The following GPAT4 variants were observed in gnomAD, a reference collection of about 807,000 sequenced individuals.
GPAT4 encodes glycerol-3-phosphate acyltransferase 4, also known as 1-AGP acyltransferase 6.
In GPAT4, 17 loss-of-function variants were observed where a neutral mutation model predicts 58.0. That is an observed-to-expected ratio of 0.29 (90% CI 0.20 to 0.44). The LOEUF (loss-of-function observed/expected upper bound fraction) is 0.44. GPAT4 is among the 20% of genes least tolerant of loss of function. The pLI, the probability that GPAT4 is intolerant of heterozygous loss-of-function variation, is 1.00. For missense variants in GPAT4, 377 were observed against 574.5 expected, an observed-to-expected ratio of 0.66 and a Z score of 3.51; for synonymous variants, 204 against 210.1, an observed-to-expected ratio of 0.97 and a Z score of 0.25.
chr8:41,605,546 TTTTGTTTGTTTGTTTGTTTGTTTG>T (rs145318528), intron 2 of GPAT4, among the ~76,000 whole-genome samples: 12,856 of 150,932 alleles, frequency 0.085, 607 homozygotes, highest in Middle Eastern at 0.17. Flanking sequence ...GAAGGTTGTG[TTTTGTTTGTTTGTTTGTTTGTTTG>T]TTTGTTTGTT....
At chr8:41,594,508 A>G (rs956413696) in intron 1 of GPAT4, among the ~76,000 whole-genome samples, 5 of 149,426 alleles carry the variant, frequency 3.3e-5, no homozygotes, top group Admixed American at 2.0e-4. Flanking sequence ...TTCGCAGACA[A>G]TTCTTCGATA....
chr8:41,599,742 AT>A (rs1221250066), intron 2 of GPAT4, among the ~76,000 whole-genome samples: 1 of 152,216 alleles, frequency 6.6e-6, no homozygotes, highest in African/African-American at 2.4e-5. Context: ...GGGCATTTGA[AT>A]TGTTTTATTA....
chr8:41,621,511 G>A lies in GPAT4; in HGVS notation c.*510G>A, dbSNP rs551066194. ...CTGCAGACATGATAGGAAGGAAACT[G>A]TCATCTGCAGGGGCTTTCAGCAAAA... is the stretch of plus-strand genomic sequence containing the variant. On this transcript the variant is annotated 3_prime_UTR_variant, in exon 13 of 13. Coordinates refer to ENST00000396987, the MANE Select transcript of GPAT4 (RefSeq NM_178819.4). 1 of 154,264 alleles carries A rather than the reference G, an allele frequency of 6.5e-6. No individual in the cohort carries two copies. The highest frequency in any genetic ancestry group is 2.4e-5 in the African/African-American group (1 of 41,622). The allele number at this position is 154,264 out of a possible 1,614,324, so 9.6% of individuals were successfully genotyped here. A position where few individuals can be genotyped will look rare whatever the true frequency, so the allele number is the denominator to read the frequency against.
At chr8:41,592,596 T>C (rs1450243479) in intron 1 of GPAT4, among the ~76,000 whole-genome samples, 1 of 152,196 alleles carries the variant, frequency 6.6e-6, no homozygotes, top group Admixed American at 6.5e-5. Flanking sequence ...TCATGGCCAT[T>C]GATCTCCCAT....
chr8:41,618,503 A>G (rs1014811125), intron 10 of GPAT4, 181 bp from the exon 11 acceptor site: 1 of 735,370 alleles, frequency 1.4e-6, no homozygotes, highest in South Asian at 1.7e-5. Context: ...GGGGGAGATC[A>G]GTGTTGCTCA....
Position 41,609,388 on chromosome 8 carries a change from C to G in GPAT4, c.166-28C>G, listed in dbSNP as rs750350831. On this transcript the variant is annotated intron_variant, in intron 2 of 12. Transcript: ENST00000396987. ...ATTGAAAACAGGTCTCATTCTTGCTCTTGTATCTTGCTTCCTTCCCCTCCC... is the reference window on the plus strand; with the variant it reads ...ATTGAAAACAGGTCTCATTCTTGCTGTTGTATCTTGCTTCCTTCCCCTCCC... The G allele has an allele frequency of 3.1e-6, 5 of 1,608,536 alleles. No homozygotes were observed. The Admixed American group carries it at 5.0e-5, about 16-fold the overall frequency.
At chr8:41,603,387 G>A (rs191487385) in intron 2 of GPAT4, among the ~76,000 whole-genome samples, 351 of 152,106 alleles carry the variant, frequency 2.3e-3, no homozygotes, top group African/African-American at 8.2e-3. Context: ...TTAGCCGGGC[G>A]TAGTGACGCA....
In GPAT4 at chr8:41,621,283, A is replaced by C; in HGVS notation, c.*282A>C. 2.3e-6 allele frequency: 1 copy of C among 438,274 alleles called. No homozygotes were observed. The allele number at this position is 438,274 out of a possible 1,614,324, so 27.1% of individuals were successfully genotyped here. ...CGTTGGAGGAATGCCATTAAAGTGA[A>C]CTCCCCACCTTTGCACGCTGTGCGG... On this transcript the variant is annotated 3_prime_UTR_variant, in exon 13 of 13. Transcript: ENST00000396987.
chr8:41,608,829 TTC>T (rs1803356370), intron 2 of GPAT4, among the ~76,000 whole-genome samples: 1 of 152,174 alleles, frequency 6.6e-6, no homozygotes, highest in Non-Finnish European at 1.5e-5. Context: ...GTTTTTTTTT[TTC>T]GGTCTCCTAA....
intron 10 of GPAT4, 25 bp downstream of exon 10, chr8:41,615,073 C>G: frequency 1.9e-6 from 3 of 1,580,410 alleles, no homozygotes; most frequent in Non-Finnish European, 1.7e-6. Context: ...ATGGTACACA[C>G]TGTCATTACT....
Position 41,618,918 on chromosome 8 carries a change from G to GT in GPAT4, c.1206dup (p.Ala403CysfsTer3), listed in dbSNP as rs771905819. On this transcript the variant is annotated frameshift_variant, in exon 12 of 13. Coordinates refer to ENST00000396987, the MANE Select transcript of GPAT4 (RefSeq NM_178819.4). LOFTEE classifies it high-confidence loss of function. ...TACAGGCAGATGAAGATGCTGTCCAGTTTGCGAATAGGGTGAAATCTGCCA... is the reference window on the plus strand; with the variant it reads ...TACAGGCAGATGAAGATGCTGTCCAGTTTTGCGAATAGGGTGAAATCTGCCA... 1 of 1,614,232 alleles carries GT rather than the reference G, an allele frequency of 6.2e-7. No individual in the cohort carries two copies. Among genetic ancestry groups the GT allele is most frequent in the East Asian group, 2.2e-5 (1 of 44,888 alleles).
rs1472393130 is a variant in GPAT4, at chr8:41,610,292, A to C, written c.536+337A>C. 2.4e-5 allele frequency: 29 copies of C among 1,230,488 alleles called. No individual in the cohort carries two copies. In the South Asian group the frequency reaches 5.4e-4, roughly 23 times the overall value. The allele number at this position is 1,230,488 out of a possible 1,614,324, so 76.2% of individuals were successfully genotyped here. On this transcript the variant is annotated intron_variant, in intron 4 of 12. Coordinates refer to ENST00000396987, the MANE Select transcript of GPAT4 (RefSeq NM_178819.4). ...AAGCTTGCCTCTCAGGTACAGGGGC[A>C]GTATTGATCTTTCAGCTTCTCTGCA...
chr8:41,590,606 G>A (rs1216426407), intron 1 of GPAT4, among the ~76,000 whole-genome samples: 2 of 152,216 alleles, frequency 1.3e-5, no homozygotes, highest in East Asian at 1.9e-4. Context: ...GGTGGTATAT[G>A]TGAAATGCTC....
intron 1 of GPAT4, among the ~76,000 whole-genome samples, chr8:41,580,340 G>C (rs1271449445): frequency 6.6e-6 from 1 of 152,160 alleles, no homozygotes; most frequent in Non-Finnish European, 1.5e-5. Flanking sequence ...TGACTTAAGA[G>C]TGTTACTCTT....
intron 2 of GPAT4, among the ~76,000 whole-genome samples, chr8:41,601,080 C>G (rs534641977): frequency 6.6e-6 from 1 of 152,050 alleles, no homozygotes; most frequent in Non-Finnish European, 1.5e-5. Context: ...TGTGGACCTG[C>G]GTGTACGTGC....
At chr8:41,595,268 T>G (rs949232812) in intron 1 of GPAT4, among the ~76,000 whole-genome samples, 2 of 150,238 alleles carry the variant, frequency 1.3e-5, no homozygotes, top group African/African-American at 4.9e-5. Context: ...GATTTAGATC[T>G]CCTGTTAGGA....
At chr8:41,581,342 G>A (rs1305914231) in intron 1 of GPAT4, among the ~76,000 whole-genome samples, 1 of 152,132 alleles carries the variant, frequency 6.6e-6, no homozygotes, top group East Asian at 1.9e-4. Flanking sequence ...ATTTTGCCTT[G>A]TACAATCTTA....
chr8:41,605,522 A>G (rs114570878), intron 2 of GPAT4, among the ~76,000 whole-genome samples: 262 of 152,156 alleles, frequency 1.7e-3, no homozygotes, highest in African/African-American at 6.2e-3. Context: ...AACTTCAGGC[A>G]TTGAGAAATC....
Position 41,587,958 on chromosome 8 carries a change from GT to G in GPAT4, c.-849+9683del, listed in dbSNP as rs565620818. On this transcript the variant is annotated intron_variant, in intron 1 of 12. Transcript: ENST00000396987. ...AGAATTTCTTTGCCATCTCACTGTAGTTTCAATTCGAATTTCTCCATTTTAC... is the reference window on the plus strand; with the variant it reads ...AGAATTTCTTTGCCATCTCACTGTAGTTCAATTCGAATTTCTCCATTTTAC... 7.2e-5 allele frequency among the ~76,000 whole-genome samples: 11 copies of G among 152,344 alleles called. No individual in the cohort carries two copies. The South Asian group carries it at 2.3e-3, about 32-fold the overall frequency.
Sources: gnomAD v4.1 joint callset for allele counts (sites outside exome capture counted in the v4.1 genomes callset) on GRCh38, gnomAD v4.1.1 for gene constraint, MANE v1.5 for transcripts, NCBI Gene and HGNC (gene_info 2026-07-23, HGNC 2026-07-21) for gene names.